Variants in KIAA1958 observed in about 807,000 individuals in gnomAD.
KIAA1958 encodes uncharacterized protein KIAA1958.
KIAA1958 carries 14 observed loss-of-function variants against 47.2 expected under a neutral mutation model. The ratio of observed to expected loss-of-function variants is 0.30; its 90% CI spans 0.20 to 0.46. The LOEUF (loss-of-function observed/expected upper bound fraction) is 0.46, where lower values mean the gene tolerates loss of function less well. Ranked by LOEUF, KIAA1958 falls within the 20% of genes least tolerant of loss-of-function variation. KIAA1958 has a pLI of 1.00. For missense variants in KIAA1958, 803 were observed against 909.2 expected, an observed-to-expected ratio of 0.88 and a Z score of 1.50; for synonymous variants, 354 against 353.3, an observed-to-expected ratio of 1.00 and a Z score of -0.02.
intron 1 of KIAA1958, among the ~76,000 whole-genome samples, chr9:112,516,412 A>T (rs1834436231): frequency 6.6e-6 from 1 of 152,228 alleles, no homozygotes; most frequent in Admixed American, 6.5e-5. Flanking sequence ...TACATGTAAG[A>T]TCTGTACACT....
chr9:112,570,992 C>G (rs1306892054), intron 1 of KIAA1958, among the ~76,000 whole-genome samples: 1 of 152,140 alleles, frequency 6.6e-6, no homozygotes, highest in African/African-American at 2.4e-5. Flanking sequence ...TCCAAGGCAG[C>G]GAAAAAGAAG....
chr9:112,554,680 G>A (rs62568601), intron 1 of KIAA1958, among the ~76,000 whole-genome samples: 16,978 of 151,862 alleles, frequency 0.11, 1,388 homozygotes, highest in East Asian at 0.19. Context: ...CCTCTTGGTC[G>A]GTGACTCAGA....
At chr9:112,494,962 C>CT (rs1375034727) in intron 1 of KIAA1958, among the ~76,000 whole-genome samples, 1 of 151,844 alleles carries the variant, frequency 6.6e-6, no homozygotes, top group Non-Finnish European at 1.5e-5. Flanking sequence ...ATTTTTTCCC[C>CT]TTTTTTCATT....
Position 112,659,644 on chromosome 9 carries a change from G to A in KIAA1958, c.1726G>A (p.Ala576Thr). The change falls in exon 4 of 4, where the codon GCG (alanine) becomes ACG (threonine). Residue 576 changes from alanine to threonine, a missense_variant. This residue lies in a region of KIAA1958 where 761 missense variants were observed against 829.3 expected (regional missense o/e 0.92). Transcript: ENST00000337530. ...GAACATGCGGACGCTGCAGGAGCATGCGGATCTGATGTATGGTGACATCGA... is the reference window on the plus strand; with the variant it reads ...GAACATGCGGACGCTGCAGGAGCATACGGATCTGATGTATGGTGACATCGA... ...YLNMRTLQEH[A>T]DLMYGDIELL... 6.2e-7 allele frequency: 1 copy of A among 1,614,208 alleles called. No individual in the cohort carries two copies. The highest frequency in any genetic ancestry group is 1.3e-5 in the African/African-American group (1 of 75,056).
At chr9:112,488,621 A>G (rs1191122276) in intron 1 of KIAA1958, among the ~76,000 whole-genome samples, 1 of 152,196 alleles carries the variant, frequency 6.6e-6, no homozygotes, top group Non-Finnish European at 1.5e-5. Flanking sequence ...CCATGCATAC[A>G]ATTATATGGA....
At position 112,663,485 on chromosome 9, in the gene KIAA1958, T is replaced by C. The variant is rs1174229770; in HGVS notation, c.*3416T>C. 1 of 152,266 alleles carries C rather than the reference T, an allele frequency of 6.6e-6. No individual in the cohort carries two copies. The highest frequency in any genetic ancestry group is 6.5e-5 in the Admixed American group (1 of 15,286). 9.4% of individuals were successfully genotyped at this position (152,266 alleles called of 1,614,324 possible). ...TCCATTATGGAGATTCTGTCTCCCT[T>C]AAACTGTTAAACTTGAAGAAGAAAC... On this transcript the variant is annotated 3_prime_UTR_variant, in exon 4 of 4. Transcript: ENST00000337530.
chr9:112,543,123 C>T (rs571871347), intron 1 of KIAA1958, among the ~76,000 whole-genome samples: 13 of 152,306 alleles, frequency 8.5e-5, no homozygotes, highest in Admixed American at 7.2e-4. Context: ...TGACCTGGAT[C>T]TATCTTGAGC....
chr9:112,584,883 G>A (rs1231232177), intron 2 of KIAA1958, among the ~76,000 whole-genome samples: 2 of 152,148 alleles, frequency 1.3e-5, no homozygotes, highest in Non-Finnish European at 2.9e-5. Context: ...CATGCTCCCC[G>A]CCCCGCCTTT....
In KIAA1958 at chr9:112,664,618, T is replaced by G. The variant is rs1837327127; in HGVS notation, c.*4549T>G. ...ATATATTTTTGAATGCTTTTGTTTT[T>G]GGAGTGAATTTTTAATACTCTGTGT... is the stretch of plus-strand genomic sequence containing the variant. On this transcript the variant is annotated 3_prime_UTR_variant, in exon 4 of 4. Transcript: ENST00000337530. 6.6e-6 allele frequency: 1 copy of G among 152,256 alleles called. No homozygotes were observed. The highest frequency in any genetic ancestry group is 2.4e-5 in the African/African-American group (1 of 41,470). The allele number at this position is 152,256 out of a possible 1,614,324, so 9.4% of individuals were successfully genotyped here.
intron 2 of KIAA1958, among the ~76,000 whole-genome samples, chr9:112,595,374 A>G (rs945571967): frequency 6.6e-6 from 1 of 152,186 alleles, no homozygotes; most frequent in Non-Finnish European, 1.5e-5. Context: ...CTAAGAAATT[A>G]AGCTGGCCGG....
At position 112,668,743 on chromosome 9, in the gene KIAA1958, A is replaced by C. The variant is rs1837383246; in HGVS notation, c.*8674A>C. 1.3e-5 allele frequency: 2 copies of C among 152,234 alleles called. No individual in the cohort carries two copies. Among genetic ancestry groups the C allele is most frequent in the Admixed American group, 6.5e-5 (1 of 15,286 alleles). The allele number at this position is 152,234 out of a possible 1,614,324, so 9.4% of individuals were successfully genotyped here. A position where few individuals can be genotyped will look rare whatever the true frequency, so the allele number is the denominator to read the frequency against. On this transcript the variant is annotated 3_prime_UTR_variant, in exon 4 of 4. Coordinates refer to ENST00000337530, the MANE Select transcript of KIAA1958 (RefSeq NM_133465.4). ...GCAATGGACTGCTTTGCATTTCCTT[A>C]GTTTTTCATTCTGAAACAGAGCAAA...
At chr9:112,620,290 A>G (rs1039390463) in intron 2 of KIAA1958, among the ~76,000 whole-genome samples, 22 of 152,172 alleles carry the variant, frequency 1.4e-4, no homozygotes, top group African/African-American at 4.8e-4. Context: ...AGAAACTCCA[A>G]ATCTTGATTG....
intron 1 of KIAA1958, among the ~76,000 whole-genome samples, chr9:112,522,702 G>C (rs1834570274): frequency 6.6e-6 from 1 of 152,180 alleles, no homozygotes; most frequent in East Asian, 1.9e-4. Context: ...CTTATTTATG[G>C]CTCCATCCTT....
intron 1 of KIAA1958, among the ~76,000 whole-genome samples, chr9:112,510,533 C>G (rs943274702): frequency 1.3e-5 from 2 of 152,190 alleles, no homozygotes; most frequent in Non-Finnish European, 2.9e-5. Flanking sequence ...GCCTGCCACT[C>G]CTGGTCCCTG....
Position 112,667,755 on chromosome 9 carries a change from G to C in KIAA1958, c.*7686G>C, listed in dbSNP as rs1040243133. The C allele has an allele frequency of 1.3e-5, 2 of 152,120 alleles. No homozygotes were observed. Among genetic ancestry groups the C allele is most frequent in the African/African-American group, 4.8e-5 (2 of 41,418 alleles). 9.4% of individuals were successfully genotyped at this position (152,120 alleles called of 1,614,324 possible). On this transcript the variant is annotated 3_prime_UTR_variant, in exon 4 of 4. Coordinates refer to ENST00000337530, the MANE Select transcript of KIAA1958 (RefSeq NM_133465.4). Reference sequence around the variant, plus strand: ...TTAAGATACATAATTTTTTAGTTATGATAACCATCCAGGAAATATATGAGC... The same window carrying C: ...TTAAGATACATAATTTTTTAGTTATCATAACCATCCAGGAAATATATGAGC...
At chr9:112,626,125 A>G (rs116214412) in intron 2 of KIAA1958, among the ~76,000 whole-genome samples, 1,668 of 152,284 alleles carry the variant, frequency 0.011, 34 homozygotes, top group African/African-American at 0.038. Flanking sequence ...TTTCTGAAGT[A>G]AATTTATTTA....
Position 112,618,959 on chromosome 9 carries a change from G to A in KIAA1958, c.1172-26691G>A. ...GACTCCAGTTTGGTTACTGTGTCCGGAGAAACTGTGATTATACACCGCTTC... is the reference window on the plus strand; with the variant it reads ...GACTCCAGTTTGGTTACTGTGTCCGAAGAAACTGTGATTATACACCGCTTC... On this transcript the variant is annotated intron_variant, in intron 2 of 3. Transcript: ENST00000337530. The surrounding 1 kb of genome is among the most constrained non-coding windows in gnomAD (Gnocchi z 7.1). 1 of 1,485,020 alleles carries A rather than the reference G, an allele frequency of 6.7e-7. No individual in the cohort carries two copies. Among genetic ancestry groups the A allele is most frequent in the Non-Finnish European group, 9.0e-7 (1 of 1,110,240 alleles). 92.0% of individuals were successfully genotyped at this position (1,485,020 alleles called of 1,614,324 possible). A position where few individuals can be genotyped will look rare whatever the true frequency, so the allele number is the denominator to read the frequency against.
At chr9:112,590,308 A>C (rs1042118431) in intron 2 of KIAA1958, among the ~76,000 whole-genome samples, 1 of 150,564 alleles carries the variant, frequency 6.6e-6, no homozygotes, top group Admixed American at 6.6e-5. Flanking sequence ...TAGAATCCTC[A>C]TGAGGTGACA....
chr9:112,570,775 G>A (rs147206755), intron 1 of KIAA1958, among the ~76,000 whole-genome samples: 1 of 152,184 alleles, frequency 6.6e-6, no homozygotes, highest in African/African-American at 2.4e-5. Context: ...ATTGGCTCAT[G>A]CGATTATGTG....
Sources: allele counts gnomAD v4.1 joint callset (sites outside exome capture counted in the v4.1 genomes callset), GRCh38; gene constraint gnomAD v4.1.1; regional missense constraint gnomAD v4.1.1; non-coding constraint Gnocchi (gnomAD v3.1); transcripts MANE v1.5; gene names NCBI Gene and HGNC (gene_info 2026-07-23, HGNC 2026-07-21).